The following NRXN3 variants were observed in gnomAD, a reference collection of about 807,000 sequenced individuals.
The protein encoded by NRXN3 is neurexin 3, also known as neurexin III.
In NRXN3, 32 loss-of-function variants were observed where a neutral mutation model predicts 137.6. The observed-to-expected ratio is 0.23, with a 90% CI of 0.18 to 0.31. The LOEUF is 0.31. Among genes scored for constraint, NRXN3 ranks in the 10% least tolerant of loss-of-function variants. NRXN3 has a pLI of 1.00. For synonymous variants in NRXN3, 798 were observed against 784.5 expected, an observed-to-expected ratio of 1.02 and a Z score of -0.29; for missense variants, 1,574 against 2,062.5, an observed-to-expected ratio of 0.76 and a Z score of 4.59.
intron 10 of NRXN3, among the ~76,000 whole-genome samples, chr14:78,830,821 T>C (rs1428460642): frequency 6.6e-6 from 1 of 152,198 alleles, no homozygotes; most frequent in Non-Finnish European, 1.5e-5. Flanking sequence ...TCTTCTGCCA[T>C]ATCCACAAGA....
chr14:79,339,918 GTCT>G (rs2153358373), intron 15 of NRXN3, among the ~76,000 whole-genome samples: 1 of 152,260 alleles, frequency 6.6e-6, no homozygotes, highest in East Asian at 1.9e-4. Flanking sequence ...GTTAAATTAT[GTCT>G]TCATTTCTTT....
chr14:78,918,298 A>AAAAG (rs1200366086), intron 10 of NRXN3, among the ~76,000 whole-genome samples: 2,165 of 149,546 alleles, frequency 0.014, 84 homozygotes, highest in African/African-American at 0.052. Context: ...AAAAAAAAAA[A>AAAAG]AAAAAAAAAG....
chr14:78,436,761 G>A (rs1400156837), intron 4 of NRXN3, among the ~76,000 whole-genome samples: 1 of 152,206 alleles, frequency 6.6e-6, no homozygotes, highest in Non-Finnish European at 1.5e-5. Context: ...ACCCCCTGCT[G>A]CCTTTCAAAT....
chr14:78,487,742 CATAAATAAATAAATAAATAA>C (rs10601165), intron 4 of NRXN3, among the ~76,000 whole-genome samples: 107 of 141,318 alleles, frequency 7.6e-4, no homozygotes, highest in Middle Eastern at 3.5e-3. Context: ...AACTCCATCT[CATAAATAAATAAATAAATAA>C]ATAAATAAAT....
intron 15 of NRXN3, among the ~76,000 whole-genome samples, chr14:79,464,284 C>G (rs1426767078): frequency 6.6e-6 from 1 of 152,002 alleles, no homozygotes; most frequent in African/African-American, 2.4e-5. Context: ...CTTTCTTCAC[C>G]TATAAAGTTA....
At chr14:79,792,929 G>A (rs767377326) in intron 19 of NRXN3, among the ~76,000 whole-genome samples, 1 of 152,086 alleles carries the variant, frequency 6.6e-6, no homozygotes, top group Non-Finnish European at 1.5e-5. Context: ...CTTTTTCAAA[G>A]TGGTTGCATT....
At chr14:79,719,244 G>T (rs2098834058) in intron 19 of NRXN3, among the ~76,000 whole-genome samples, 1 of 87,216 alleles carries the variant, frequency 1.1e-5, no homozygotes, top group Non-Finnish European at 2.4e-5. Flanking sequence ...CGTCATCATA[G>T]ACATATATGT....
Position 79,385,974 on chromosome 14 carries a change from A to G in NRXN3, c.3263-81247A>G, listed in dbSNP as rs184612515. Among the ~76,000 whole-genome samples, 15 of 152,276 alleles carry G rather than the reference A, an allele frequency of 9.9e-5. No homozygotes were observed. In the East Asian group the frequency reaches 1.4e-3, roughly 14 times the overall value. ...TACCTCAAAATCATAAGAGCTATCT[A>G]TGGCAAACCCACAGCCAATATCATA... On this transcript the variant is annotated intron_variant, in intron 15 of 20. Transcript: ENST00000335750.
intron 14 of NRXN3, among the ~76,000 whole-genome samples, chr14:78,980,242 A>G (rs2099486051): frequency 6.6e-6 from 1 of 152,204 alleles, no homozygotes; most frequent in African/African-American, 2.4e-5. Context: ...CATTGAGAAG[A>G]CAAACTTGAT....
At chr14:79,114,123 C>T (rs1417210115) in intron 15 of NRXN3, among the ~76,000 whole-genome samples, 1 of 152,142 alleles carries the variant, frequency 6.6e-6, no homozygotes, top group Non-Finnish European at 1.5e-5. Flanking sequence ...GAACATTGGT[C>T]AATGTCTGGA....
In NRXN3 at chr14:78,651,786, C is replaced by CA. The variant is rs1435373886; in HGVS notation, c.1221+460_1221+461insA. On this transcript the variant is annotated intron_variant, in intron 6 of 20. Coordinates refer to ENST00000335750, the MANE Select transcript of NRXN3 (RefSeq NM_001330195.2). ...ATCATGAGAACAGCATGGGAAAGAC[C>CA]TGACCCCATGATTTAATTACCTCCC... Among the ~76,000 whole-genome samples, 1,295 of 152,260 alleles carry CA rather than the reference C, an allele frequency of 8.5e-3. 22 individuals are homozygous for CA. Among genetic ancestry groups the CA allele is most frequent in the African/African-American group, 0.03 (1,244 of 41,538 alleles).
chr14:78,436,287 G>A (rs574943051), intron 4 of NRXN3, among the ~76,000 whole-genome samples: 33 of 152,254 alleles, frequency 2.2e-4, no homozygotes, highest in African/African-American at 6.7e-4. Context: ...AACCGCCCCC[G>A]TAATAATAAA....
intron 4 of NRXN3, among the ~76,000 whole-genome samples, chr14:78,334,372 C>G (rs986297290): frequency 1.3e-5 from 2 of 152,058 alleles, no homozygotes; most frequent in African/African-American, 4.8e-5. Flanking sequence ...CTCATATTCC[C>G]TAAGGGTGGA....
chr14:78,861,515 A>G (rs908471458), intron 10 of NRXN3, among the ~76,000 whole-genome samples: 5 of 152,240 alleles, frequency 3.3e-5, no homozygotes, highest in Middle Eastern at 3.4e-3. Context: ...TAACATGAGC[A>G]TCAAAGTAAT....
intron 8 of NRXN3, among the ~76,000 whole-genome samples, chr14:78,778,752 T>TTTC (rs2098755495): frequency 8.1e-6 from 1 of 123,372 alleles, no homozygotes; most frequent in Non-Finnish European, 1.7e-5. Flanking sequence ...CTTTCTTTCC[T>TTTC]TCTTTCTCTT....
chr14:78,863,686 TTTTA>T (rs1455799844), intron 10 of NRXN3, among the ~76,000 whole-genome samples: 8 of 152,138 alleles, frequency 5.3e-5, no homozygotes, highest in Non-Finnish European at 1.0e-4. Flanking sequence ...TTAAAAACAA[TTTTA>T]TTTCAGTCCA....
chr14:79,049,072 A>AAATAATAATAATAAT (rs750758304), intron 15 of NRXN3, among the ~76,000 whole-genome samples: 1 of 42,468 alleles, frequency 2.4e-5, no homozygotes, highest in South Asian at 1.3e-3. Flanking sequence ...AAAAAAAAAA[A>AAATAATAATAATAAT]AATAATAATA....
Position 78,369,082 on chromosome 14 carries a change from G to A in NRXN3, c.757+71222G>A, listed in dbSNP as rs144604960. On this transcript the variant is annotated intron_variant, in intron 4 of 20. Transcript: ENST00000335750. Reference sequence around the variant, plus strand: ...AGGTTCTTGGGTTTCTGGATTAATCGCTTAATATGGGCATCTAAATTTATC... The same window carrying A: ...AGGTTCTTGGGTTTCTGGATTAATCACTTAATATGGGCATCTAAATTTATC... 4.6e-5 allele frequency among the ~76,000 whole-genome samples: 7 copies of A among 152,186 alleles called. No individual in the cohort carries two copies. The East Asian group carries it at 5.8e-4, about 13-fold the overall frequency.
chr14:78,656,782 G>A (rs909011360), intron 6 of NRXN3, among the ~76,000 whole-genome samples: 3 of 152,046 alleles, frequency 2.0e-5, no homozygotes, highest in African/African-American at 4.8e-5. Context: ...GGTGGCTTAC[G>A]CCTGTAATCC....
Sources: gnomAD v4.1 joint callset for allele counts (sites outside exome capture counted in the v4.1 genomes callset) on GRCh38, gnomAD v4.1.1 for gene constraint, MANE v1.5 for transcripts, NCBI Gene and HGNC (gene_info 2026-07-23, HGNC 2026-07-21) for gene names.